The following ELP2 variants were observed in gnomAD, a reference collection of about 807,000 sequenced individuals.
ELP2 encodes elongator acetyltransferase complex subunit 2, also known as elongator complex protein 2.
Under a neutral mutation model 119.2 loss-of-function variants are expected in ELP2, and 90 were observed. That is an observed-to-expected ratio of 0.75 (90% CI 0.64 to 0.90). The LOEUF (loss-of-function observed/expected upper bound fraction) is 0.90. Ranked by LOEUF, ELP2 falls within the 40% of genes least tolerant of loss-of-function variation. The probability of loss-of-function intolerance (pLI) is 0.00; values close to 1 mark genes in which losing one functional copy is unlikely to be tolerated. For synonymous variants in ELP2, 339 were observed against 331.0 expected (o/e 1.02, Z -0.26); for missense variants, 921 against 967.8 (o/e 0.95, Z 0.64).
At position 36,146,367 on chromosome 18, in the gene ELP2, A is replaced by G; in HGVS notation, c.1111A>G (p.Asn371Asp). The G allele has an allele frequency of 6.2e-7, 1 of 1,614,110 alleles. No individual in the cohort carries two copies. The highest frequency in any genetic ancestry group is 8.5e-7 in the Non-Finnish European group (1 of 1,179,958). The change falls in exon 11 of 22, where the codon AAT (asparagine) becomes GAT (aspartate). Residue 371 changes from asparagine (N) to aspartate (D), a missense_variant. Transcript: ENST00000358232. ...CGGAGCGTTGCACCTTTGGAAACAG[A>G]ATACAGTTAACCCAGTAAGAAAAGA... ...FHGALHLWKQ[N>D]TVNPREWTPE... is the part of the protein sequence containing the mutation.
intron 9 of ELP2, among the ~76,000 whole-genome samples, chr18:36,145,641 A>T (rs1285099873): frequency 6.6e-6 from 1 of 152,192 alleles, no homozygotes; most frequent in Non-Finnish European, 1.5e-5. Flanking sequence ...AAACAAAAAA[A>T]ATTGGAATTA....
chr18:36,163,298 G>GTGTGTGTGTGTGTGTA (rs1295150196), intron 17 of ELP2, among the ~76,000 whole-genome samples: 1 of 151,590 alleles, frequency 6.6e-6, no homozygotes, highest in Non-Finnish European at 1.5e-5. Flanking sequence ...GTGTGTGTGT[G>GTGTGTGTGTGTGTGTA]TATACACCAC....
intron 4 of ELP2, 134 bp downstream of exon 4, chr18:36,138,560 T>G (rs2089913897): frequency 5.4e-6 from 6 of 1,120,022 alleles, no homozygotes; most frequent in Non-Finnish European, 7.7e-6. Context: ...ATCTAAATTT[T>G]TCTTTTGCAC....
intron 19 of ELP2, among the ~76,000 whole-genome samples, chr18:36,168,854 G>A (rs2090986070): frequency 6.7e-6 from 1 of 149,776 alleles, no homozygotes; most frequent in Non-Finnish European, 1.5e-5. Flanking sequence ...CTTCTGCTCA[G>A]TATCTTGCTT....
intron 17 of ELP2, 74 bp downstream of exon 17, chr18:36,161,078 G>T: frequency 9.4e-7 from 1 of 1,058,374 alleles, no homozygotes; most frequent in Non-Finnish European, 1.5e-6. Flanking sequence ...GTTTGGTAAT[G>T]ATTTAGGCAG....
intron 5 of ELP2, among the ~76,000 whole-genome samples, chr18:36,139,178 T>A (rs1310848598): frequency 3.9e-5 from 6 of 152,202 alleles, no homozygotes; most frequent in Admixed American, 3.9e-4. Context: ...AGAATCTAAT[T>A]CTTTAGAAGG....
intron 12 of ELP2, among the ~76,000 whole-genome samples, chr18:36,155,885 G>A (rs1317315842): frequency 1.3e-5 from 2 of 152,198 alleles, no homozygotes; most frequent in African/African-American, 4.8e-5. Flanking sequence ...CACTGTGTTA[G>A]GCACCTAGAA....
At chr18:36,141,565 G>T in intron 6 of ELP2, 2 of 239,594 alleles carry the variant, frequency 8.3e-6, no homozygotes, top group East Asian at 9.6e-5. Flanking sequence ...GATTTTGAGT[G>T]GTTAAACTAA....
At position 36,178,824 on chromosome 18, in the gene ELP2, C is replaced by G. The variant is rs956574601; in HGVS notation, c.*4183C>G. ...TGTTTCATAATGATTGTGTGTGTGT[C>G]AAGGACTAGATGGGTTTTAGATGTG... On this transcript the variant is annotated 3_prime_UTR_variant, in exon 22 of 22. Transcript: ENST00000358232. 1 of 151,764 alleles carries G rather than the reference C, an allele frequency of 6.6e-6. No individual in the cohort carries two copies. Among genetic ancestry groups the G allele is most frequent in the Non-Finnish European group, 1.5e-5 (1 of 67,996 alleles). 9.4% of individuals were successfully genotyped at this position (151,764 alleles called of 1,614,324 possible). A position where few individuals can be genotyped will look rare whatever the true frequency, so the allele number is the denominator to read the frequency against.
rs2091230250 is a variant in ELP2, at chr18:36,176,744, G to T, written c.*2103G>T. On this transcript the variant is annotated 3_prime_UTR_variant, in exon 22 of 22. Coordinates refer to ENST00000358232, the MANE Select transcript of ELP2 (RefSeq NM_018255.4). ...ATATCTGAAGCAATTATTATGAATT[G>T]TAGTAATTCATAATATTGAAGCGAT... is the stretch of plus-strand genomic sequence containing the variant. 1 of 152,160 alleles carries T rather than the reference G, an allele frequency of 6.6e-6. No individual in the cohort carries two copies. Among genetic ancestry groups the T allele is most frequent in the South Asian group, 2.1e-4 (1 of 4,826 alleles). 9.4% of individuals were successfully genotyped at this position (152,160 alleles called of 1,614,324 possible).
intron 16 of ELP2, 29 bp from the exon 17 acceptor site, chr18:36,160,903 A>G (rs1321027566): frequency 6.9e-6 from 10 of 1,459,462 alleles, no homozygotes; most frequent in Non-Finnish European, 8.7e-6. Flanking sequence ...TCATTTGCTA[A>G]TAGTACTTTT....
intron 12 of ELP2, among the ~76,000 whole-genome samples, chr18:36,155,943 C>G (rs1199946121): frequency 1.3e-5 from 2 of 152,186 alleles, no homozygotes; most frequent in Non-Finnish European, 2.9e-5. Flanking sequence ...AGTTTACCAT[C>G]TAGCTGTAGG....
chr18:36,155,698 C>T (rs891511313), intron 12 of ELP2, among the ~76,000 whole-genome samples: 35 of 152,076 alleles, frequency 2.3e-4, no homozygotes, highest in Non-Finnish European at 4.4e-4. Context: ...GCCACCATGC[C>T]CAGCTAATTT....
intron 21 of ELP2, 135 bp downstream of exon 21, chr18:36,171,295 A>C: frequency 1.4e-6 from 1 of 699,612 alleles, no homozygotes; most frequent in South Asian, 1.6e-5. Flanking sequence ...GTTTTGTGGT[A>C]ATCTGAAATT....
intron 9 of ELP2, 131 bp from the exon 10 acceptor site, chr18:36,145,817 C>T: frequency 1.2e-6 from 1 of 807,306 alleles, no homozygotes; most frequent in Non-Finnish European, 2.2e-6. Context: ...GTGGTGTTTG[C>T]AATTTTTTGC....
Position 36,177,550 on chromosome 18 carries a change from GAT to G in ELP2, c.*2911_*2912del, listed in dbSNP as rs1305918774. On this transcript the variant is annotated 3_prime_UTR_variant, in exon 22 of 22. Transcript: ENST00000358232. Reference sequence around the variant, plus strand: ...TGGGTATAGTGTTTCAGTTTTGCAAGATAAAAAGTCCTGTGGATTGGTTGCAC... The same window carrying G: ...TGGGTATAGTGTTTCAGTTTTGCAAGAAAAAGTCCTGTGGATTGGTTGCAC... The G allele has an allele frequency of 1.3e-5, 2 of 152,178 alleles. No individual in the cohort carries two copies. The highest frequency in any genetic ancestry group is 4.8e-5 in the African/African-American group (2 of 41,442). The allele number at this position is 152,178 out of a possible 1,614,324, so 9.4% of individuals were successfully genotyped here.
In ELP2 at chr18:36,159,862, G is replaced by T. The variant is rs7235804; in HGVS notation, c.1630+32G>T. 109 of 1,605,970 alleles carry T rather than the reference G, an allele frequency of 6.8e-5. No individual in the cohort carries two copies. In the African/African-American group the frequency reaches 1.1e-3, roughly 17 times the overall value. On this transcript the variant is annotated intron_variant, in intron 15 of 21. Coordinates refer to ENST00000358232, the MANE Select transcript of ELP2 (RefSeq NM_018255.4). Reference sequence around the variant, plus strand: ...TGTGACAAAGACAATTTAATAAATCGCTAGAACACACAGTATGTTATCTAT... The same window carrying T: ...TGTGACAAAGACAATTTAATAAATCTCTAGAACACACAGTATGTTATCTAT...
chr18:36,146,327 T>C lies in ELP2; in HGVS notation c.1071T>C (p.Ile357=). Residue 357 remains isoleucine, a synonymous_variant, in exon 11 of 22, where the codon ATT becomes ATC. Transcript: ENST00000358232. ...CQFNEDGSMI[I]AHAFHGALHL... ...TCAATGAAGATGGCTCCATGATCATTGCTCATGCTTTCCACGGAGCGTTGC... is the reference window on the plus strand; with the variant it reads ...TCAATGAAGATGGCTCCATGATCATCGCTCATGCTTTCCACGGAGCGTTGC... 1.2e-6 allele frequency: 2 copies of C among 1,614,178 alleles called. No individual in the cohort carries two copies. Among genetic ancestry groups the C allele is most frequent in the Middle Eastern group, 1.7e-4 (1 of 6,060 alleles).
In ELP2 at chr18:36,130,065, C is replaced by A; in HGVS notation, c.132C>A (p.Asp44Glu). ...CGTCCTGCTCCGTGGTGCTCTATGA[C>A]CCCCTGGTAAGAGAGGTCGCTGGAC... is the stretch of plus-strand genomic sequence containing the variant. ...FGTSCSVVLY[D>E]PLKRVVVTNL... The change falls in exon 1 of 22, where the codon GAC becomes GAA. Residue 44 changes from aspartate to glutamate, a missense_variant. Coordinates refer to ENST00000358232, the MANE Select transcript of ELP2 (RefSeq NM_018255.4). 6.2e-7 allele frequency: 1 copy of A among 1,614,160 alleles called. No homozygotes were observed. The highest frequency in any genetic ancestry group is 8.5e-7 in the Non-Finnish European group (1 of 1,180,026).
Sources: allele counts gnomAD v4.1 joint callset (sites outside exome capture counted in the v4.1 genomes callset), GRCh38; gene constraint gnomAD v4.1.1; transcripts MANE v1.5; gene names NCBI Gene and HGNC (gene_info 2026-07-23, HGNC 2026-07-21).